Variants in CEP112 observed in about 807,000 individuals in gnomAD.
CEP112 encodes the protein centrosomal protein of 112 kDa.
Under a neutral mutation model 153.0 loss-of-function variants are expected in CEP112, and 127 were observed. The observed-to-expected ratio is 0.83, with a 90% CI of 0.72 to 0.96. The LOEUF (loss-of-function observed/expected upper bound fraction) is 0.96, where lower values mean the gene tolerates loss of function less well. CEP112 is among the 40% of genes least tolerant of loss of function. CEP112 has a pLI of 0.00. For synonymous variants in CEP112, 358 were observed against 374.4 expected, an observed-to-expected ratio of 0.96 and a Z score of 0.51; for missense variants, 1,089 against 1,101.2, an observed-to-expected ratio of 0.99 and a Z score of 0.16.
chr17:66,005,967 T>C (rs550514310), intron 16 of CEP112, among the ~76,000 whole-genome samples, 198 bp from the exon 17 acceptor site: 6 of 152,186 alleles, frequency 3.9e-5, no homozygotes, highest in Admixed American at 6.5e-5. Flanking sequence ...TCAAAATGAA[T>C]TTCTTGAGTC....
intron 24 of CEP112, among the ~76,000 whole-genome samples, chr17:65,656,682 C>T (rs1357206490): frequency 6.6e-6 from 1 of 152,146 alleles, no homozygotes; most frequent in Non-Finnish European, 1.5e-5. Context: ...TGTTATCTGG[C>T]CCTTTATAGA....
chr17:66,172,188 G>A (rs1430400034), intron 4 of CEP112, among the ~76,000 whole-genome samples: 3 of 152,134 alleles, frequency 2.0e-5, no homozygotes, highest in Non-Finnish European at 4.4e-5. Context: ...CCTTCCCAGT[G>A]CTAGGGGCTG....
intron 23 of CEP112, among the ~76,000 whole-genome samples, chr17:65,721,218 A>G (rs948812489): frequency 5.3e-5 from 8 of 151,840 alleles, no homozygotes; most frequent in Admixed American, 2.6e-4. Context: ...CACCGTGTTA[A>G]CCAGGATGGT....
At position 65,999,191 on chromosome 17, in the gene CEP112, T is replaced by C. The variant is rs577131985; in HGVS notation, c.1736+6499A>G. The stretch of plus-strand genomic sequence containing the variant: ...TGAAATGAACTCCAATAGAAATTAC[T>C]AAATTCTTTTTTTTTTTTTTTTTGA... On this transcript the variant is annotated intron_variant, in intron 17 of 26. Coordinates refer to ENST00000535342, the MANE Select transcript of CEP112 (RefSeq NM_001199165.4). Among the ~76,000 whole-genome samples the C allele has an allele frequency of 4.1e-5, 6 of 145,476 alleles. No homozygotes were observed. The South Asian group carries it at 1.4e-3, about 34-fold the overall frequency.
chr17:66,060,119 T>C (rs866153927), intron 11 of CEP112, among the ~76,000 whole-genome samples: 1 of 152,044 alleles, frequency 6.6e-6, no homozygotes, highest in African/African-American at 2.4e-5. Context: ...ACAGGAACAA[T>C]AGACACTGGG....
chr17:66,183,172 T>C, intron 2 of CEP112, 22 bp downstream of exon 2: 1 of 1,454,274 alleles, frequency 6.9e-7, no homozygotes, highest in Non-Finnish European at 9.4e-7. Flanking sequence ...CTTAAGAATC[T>C]AATCTTCAAA....
At chr17:65,984,830 T>C (rs2063344892) in intron 17 of CEP112, among the ~76,000 whole-genome samples, 1 of 152,140 alleles carries the variant, frequency 6.6e-6, no homozygotes, top group Admixed American at 6.6e-5. Context: ...AACTGGATTG[T>C]CTCATGAAAT....
intron 16 of CEP112, among the ~76,000 whole-genome samples, chr17:66,010,504 G>C (rs766242655): frequency 6.6e-6 from 1 of 152,078 alleles, no homozygotes; most frequent in African/African-American, 2.4e-5. Context: ...TGTTAAATAG[G>C]AGTGGTGAAA....
At chr17:66,140,090 G>C (rs2070622555) in intron 4 of CEP112, among the ~76,000 whole-genome samples, 1 of 152,010 alleles carries the variant, frequency 6.6e-6, no homozygotes, top group African/African-American at 2.4e-5. Context: ...TAATCAAGTG[G>C]GATTTATCCC....
chr17:65,741,959 G>A (rs1248167187), intron 23 of CEP112, among the ~76,000 whole-genome samples: 2 of 151,000 alleles, frequency 1.3e-5, no homozygotes, highest in African/African-American at 4.9e-5. Flanking sequence ...ACACAGGTAG[G>A]GGAAATAAGC....
intron 20 of CEP112, among the ~76,000 whole-genome samples, chr17:65,857,295 A>C (rs958424479): frequency 6.6e-6 from 1 of 152,246 alleles, no homozygotes; most frequent in Admixed American, 6.5e-5. Context: ...GGTGGGTTGG[A>C]CAAGCTTGCA....
At chr17:65,745,069 T>A (rs1323609655) in intron 22 of CEP112, among the ~76,000 whole-genome samples, 5 of 152,202 alleles carry the variant, frequency 3.3e-5, no homozygotes, top group Non-Finnish European at 7.3e-5. Context: ...AGAGGCCAAA[T>A]GCTATAGAAA....
Position 65,646,141 on chromosome 17 carries a change from A to G in CEP112, c.2698-5076T>C, listed in dbSNP as rs139703055. 3.9e-5 allele frequency among the ~76,000 whole-genome samples: 6 copies of G among 152,352 alleles called. No homozygotes were observed. In the East Asian group the frequency reaches 9.7e-4, roughly 25 times the overall value. On this transcript the variant is annotated intron_variant, in intron 24 of 26. Transcript: ENST00000535342. ...AGTAGGAGGCTAGGCCATAGAGAGT[A>G]GAAGATTGGGTGTGACTAAGGTTGC...
intron 16 of CEP112, among the ~76,000 whole-genome samples, chr17:66,021,318 C>A (rs2064991384): frequency 1.3e-5 from 2 of 152,170 alleles, no homozygotes; most frequent in East Asian, 1.9e-4. Context: ...AGGGGAAGAG[C>A]CCCCACAGCC....
In CEP112 at chr17:66,130,632, C is replaced by T. The variant is rs535406043; in HGVS notation, c.565-809G>A. On this transcript the variant is annotated intron_variant, in intron 5 of 26. Coordinates refer to ENST00000535342, the MANE Select transcript of CEP112 (RefSeq NM_001199165.4). The stretch of plus-strand genomic sequence containing the variant: ...CTACTAAAAATACAAAAAAATTAGC[C>T]GGGCGTGGTGGTGGGCACCTGTAAT... Among the ~76,000 whole-genome samples the T allele has an allele frequency of 6.6e-4, 101 of 151,938 alleles. 1 individual carries two copies. The highest frequency in any genetic ancestry group is 7.2e-4 in the Admixed American group (11 of 15,266).
At chr17:65,797,478 C>T (rs2055006256) in intron 21 of CEP112, among the ~76,000 whole-genome samples, 1 of 152,188 alleles carries the variant, frequency 6.6e-6, no homozygotes. Context: ...ATCTCTTAGG[C>T]TGTCATACCT....
intron 21 of CEP112, chr17:65,826,494 T>G: frequency 7.0e-7 from 1 of 1,431,752 alleles, no homozygotes; most frequent in African/African-American, 1.4e-5. Flanking sequence ...TGAGGTGAGA[T>G]AGTGACATCA....
At chr17:66,016,873 C>T (rs1430458627) in intron 16 of CEP112, among the ~76,000 whole-genome samples, 2 of 152,028 alleles carry the variant, frequency 1.3e-5, no homozygotes, top group Non-Finnish European at 2.9e-5. Flanking sequence ...ACGATGATTA[C>T]GAGTCCAAGC....
At chr17:66,116,077 G>A (rs2069275590) in intron 6 of CEP112, among the ~76,000 whole-genome samples, 1 of 152,160 alleles carries the variant, frequency 6.6e-6, no homozygotes, top group South Asian at 2.1e-4. Flanking sequence ...CCAGCAGAGG[G>A]TTAGAAAAAA....
Sources: allele counts gnomAD v4.1 joint callset (sites outside exome capture counted in the v4.1 genomes callset), GRCh38; gene constraint gnomAD v4.1.1; transcripts MANE v1.5; gene names NCBI Gene and HGNC (gene_info 2026-07-23, HGNC 2026-07-21).